LSM3: variants seen among roughly 807,000 people sequenced by gnomAD.
LSM3 encodes the protein LSM3 homolog, U6 small nuclear RNA and mRNA degradation associated.
In LSM3, 14 loss-of-function variants were observed where a neutral mutation model predicts 15.4. The ratio of observed to expected loss-of-function variants is 0.91; its 90% CI spans 0.60 to 1.42. The LOEUF is 1.42. LSM3 is among the 40% of genes most tolerant of loss of function. The pLI is 0.00. For missense variants in LSM3, 88 were observed against 127.9 expected, an observed-to-expected ratio of 0.69 and a Z score of 1.50; for synonymous variants, 46 against 45.1, an observed-to-expected ratio of 1.02 and a Z score of -0.08.
intron 3 of LSM3, among the ~76,000 whole-genome samples, chr3:14,191,625 G>A (rs1170812578): frequency 2.0e-5 from 3 of 152,128 alleles, no homozygotes; most frequent in African/African-American, 7.2e-5. Context: ...GATCAGTGGT[G>A]ACATCCCCTA....
At chr3:14,194,045 G>C (rs1697165876) in intron 3 of LSM3, among the ~76,000 whole-genome samples, 1 of 152,200 alleles carries the variant, frequency 6.6e-6, no homozygotes, top group African/African-American at 2.4e-5. Flanking sequence ...CTGCCAGTCT[G>C]CTGGAGTTTC....
intron 3 of LSM3, among the ~76,000 whole-genome samples, chr3:14,188,826 C>CT (rs1411375644): frequency 6.6e-6 from 1 of 151,914 alleles, no homozygotes; most frequent in Non-Finnish European, 1.5e-5. Context: ...TTTAATTATA[C>CT]TTTAAGTTCT....
Position 14,198,089 on chromosome 3 carries a change from G to A in LSM3, c.282G>A (p.Leu94=), listed in dbSNP as rs375686780. 1.2e-6 allele frequency: 2 copies of A among 1,613,532 alleles called. No homozygotes were observed. The highest frequency in any genetic ancestry group is 1.7e-6 in the Non-Finnish European group (2 of 1,179,826). Residue 94 remains leucine (L), a synonymous_variant, in exon 4 of 4, where the codon CTG becomes CTA. Coordinates refer to ENST00000306024, the MANE Select transcript of LSM3 (RefSeq NM_014463.3). The part of the protein sequence containing the change: ...MLFVRGDGVV[L]VAPPLRVG Reference sequence around the variant, plus strand: ...TTGTCCGGGGAGATGGCGTTGTCCTGGTTGCCCCTCCACTGAGAGTTGGCT... The same window carrying A: ...TTGTCCGGGGAGATGGCGTTGTCCTAGTTGCCCCTCCACTGAGAGTTGGCT...
intron 3 of LSM3, among the ~76,000 whole-genome samples, chr3:14,197,271 T>A (rs1315173793): frequency 1.3e-5 from 2 of 152,242 alleles, no homozygotes; most frequent in Non-Finnish European, 2.9e-5. Context: ...TACATTAGGC[T>A]AACAGCAACA....
chr3:14,196,917 C>A (rs968564326), intron 3 of LSM3, among the ~76,000 whole-genome samples: 5 of 152,230 alleles, frequency 3.3e-5, no homozygotes, highest in African/African-American at 1.2e-4. Flanking sequence ...CCTGTCTAAG[C>A]TCTTCCCTAG....
intron 3 of LSM3, among the ~76,000 whole-genome samples, chr3:14,190,655 C>G (rs182177070): frequency 6.6e-6 from 1 of 152,100 alleles, no homozygotes; most frequent in Non-Finnish European, 1.5e-5. Context: ...CCTGAGACTT[C>G]GCTGAAGTTG....
rs188589470 is a variant in LSM3, at chr3:14,196,101, C to T, written c.229-1935C>T. ...CCAAGTAGCTGGGACTACAGGTGCC[C>T]GCCACCACACCTGGCTAATTTTTTT... is the stretch of plus-strand genomic sequence containing the variant. On this transcript the variant is annotated intron_variant, in intron 3 of 3. Transcript: ENST00000306024. Among the ~76,000 whole-genome samples the T allele has an allele frequency of 5.7e-3, 863 of 152,010 alleles. 7 individuals are homozygous for T. Among genetic ancestry groups the T allele is most frequent in the African/African-American group, 0.02 (824 of 41,434 alleles).
At chr3:14,180,837 TTTTTTTTTTTTTTTTTTTTTAAA>T (rs1697029402) in intron 1 of LSM3, among the ~76,000 whole-genome samples, 1 of 122,856 alleles carries the variant, frequency 8.1e-6, no homozygotes, top group Non-Finnish European at 1.6e-5. Flanking sequence ...TTTTTTTTTT[TTTTTTTTTTTTTTTTTTTTTAAA>T]AAAAAAAAAG....
At chr3:14,180,300 T>C (rs779117661) in intron 1 of LSM3, among the ~76,000 whole-genome samples, 1 of 151,934 alleles carries the variant, frequency 6.6e-6, no homozygotes, top group Non-Finnish European at 1.5e-5. Context: ...TATTCTTTTC[T>C]TTTTTTTGGA....
At chr3:14,196,881 A>T (rs1182084545) in intron 3 of LSM3, among the ~76,000 whole-genome samples, 1 of 152,224 alleles carries the variant, frequency 6.6e-6, no homozygotes, top group East Asian at 1.9e-4. Flanking sequence ...AGCTGTTTAC[A>T]TCCAAACAAT....
chr3:14,191,106 AC>A (rs1485343377), intron 3 of LSM3, among the ~76,000 whole-genome samples: 1 of 152,160 alleles, frequency 6.6e-6, no homozygotes, highest in Non-Finnish European at 1.5e-5. Context: ...CATATGTTGA[AC>A]CAGCCTTGCA....
At chr3:14,182,283 A>G (rs1214119972) in intron 2 of LSM3, among the ~76,000 whole-genome samples, 1 of 151,790 alleles carries the variant, frequency 6.6e-6, no homozygotes, top group Non-Finnish European at 1.5e-5. Flanking sequence ...TACTTGCATT[A>G]TGTACACCCT....
At chr3:14,184,198 C>T (rs1263952203) in intron 3 of LSM3, among the ~76,000 whole-genome samples, 166 bp downstream of exon 3, 1 of 152,214 alleles carries the variant, frequency 6.6e-6, no homozygotes, top group Non-Finnish European at 1.5e-5. Context: ...GACCCTGTTG[C>T]CAGTACTGGC....
chr3:14,180,933 C>G (rs966797040), intron 1 of LSM3, among the ~76,000 whole-genome samples: 1 of 149,356 alleles, frequency 6.7e-6, no homozygotes, highest in South Asian at 2.1e-4. Flanking sequence ...TCACTGCAAC[C>G]TCCACCTCGC....
At position 14,180,821 on chromosome 3, in the gene LSM3, CTTTTTTTT is replaced by C. The variant is rs1164090236; in HGVS notation, c.22-710_22-703del. Among the ~76,000 whole-genome samples, 227 of 46,720 alleles carry C rather than the reference CTTTTTTTT, an allele frequency of 4.9e-3. 2 individuals carry two copies. Among genetic ancestry groups the C allele is most frequent in the African/African-American group, 0.017 (210 of 12,552 alleles). The allele number at this position is 46,720 out of a possible 152,430, so 30.7% of individuals were successfully genotyped here. A position where few individuals can be genotyped will look rare whatever the true frequency, so the allele number is the denominator to read the frequency against. ...GACTCCAAAGCCAGTGCTTGCTTGC[CTTTTTTTT>C]TTTTTTTTTTTTTTTTTTTTTTTTT... On this transcript the variant is annotated intron_variant, in intron 1 of 3. Coordinates refer to ENST00000306024, the MANE Select transcript of LSM3 (RefSeq NM_014463.3).
rs1697214561 is a variant in LSM3 at position 14,199,324 on chromosome 3, AAACTTT to A, written c.*1210_*1215del. ...AAGTAAAAGCGTGTTACAATCTCTCAAACTTTATCAAGACAGGGCTTAGAACCTGAC... is the reference window on the plus strand; with the variant it reads ...AAGTAAAAGCGTGTTACAATCTCTCAATCAAGACAGGGCTTAGAACCTGAC... On this transcript the variant is annotated 3_prime_UTR_variant, in exon 4 of 4. Coordinates refer to ENST00000306024, the MANE Select transcript of LSM3 (RefSeq NM_014463.3). The A allele has an allele frequency of 1.3e-5, 2 of 152,224 alleles. No homozygotes were observed. The highest frequency in any genetic ancestry group is 4.1e-4 in the South Asian group (2 of 4,832). The allele number at this position is 152,224 out of a possible 1,614,324, so 9.4% of individuals were successfully genotyped here.
At chr3:14,196,102 G>A (rs1193431523) in intron 3 of LSM3, among the ~76,000 whole-genome samples, 6 of 151,870 alleles carry the variant, frequency 4.0e-5, no homozygotes, top group Non-Finnish European at 5.9e-5. Context: ...ACAGGTGCCC[G>A]CCACCACACC....
chr3:14,189,661 G>A (rs1559392265), intron 3 of LSM3, among the ~76,000 whole-genome samples: 1 of 151,728 alleles, frequency 6.6e-6, no homozygotes, highest in Non-Finnish European at 1.5e-5. Context: ...TTTTTTTCTT[G>A]TAGATGTGTT....
intron 3 of LSM3, 52 bp from the exon 4 acceptor site, chr3:14,197,984 A>G: frequency 7.1e-7 from 1 of 1,400,938 alleles, no homozygotes; most frequent in Non-Finnish European, 1.0e-6. Flanking sequence ...CACAAACAAT[A>G]AGCAGTAATA....
Sources: allele counts gnomAD v4.1 joint callset (sites outside exome capture counted in the v4.1 genomes callset), GRCh38; gene constraint gnomAD v4.1.1; transcripts MANE v1.5; gene names NCBI Gene and HGNC (gene_info 2026-07-23, HGNC 2026-07-21).